POU6F2: variants seen among roughly 807,000 people sequenced by gnomAD.
The protein encoded by POU6F2 is POU domain, class 6, transcription factor 2.
POU6F2 carries 31 observed loss-of-function variants against 71.3 expected under a neutral mutation model. The observed-to-expected ratio is 0.43, with a 90% CI of 0.33 to 0.59. The LOEUF is 0.59. Ranked by LOEUF, POU6F2 falls within the 20% of genes least tolerant of loss-of-function variation. POU6F2 has a pLI of 0.04. For missense variants in POU6F2, 783 were observed against 856.8 expected, an observed-to-expected ratio of 0.91 and a Z score of 1.07; for synonymous variants, 347 against 355.7, an observed-to-expected ratio of 0.98 and a Z score of 0.27.
chr7:39,417,380 C>A (rs1457374202), intron 6 of POU6F2, among the ~76,000 whole-genome samples: 4 of 152,142 alleles, frequency 2.6e-5, no homozygotes, highest in Admixed American at 6.5e-5. Context: ...TCACAACTTA[C>A]AACAGTGAGA....
chr7:39,272,313 A>T (rs1054738655), intron 4 of POU6F2, among the ~76,000 whole-genome samples: 1 of 152,134 alleles, frequency 6.6e-6, no homozygotes, highest in Admixed American at 6.5e-5. Context: ...CTCCACTCCC[A>T]TCACAGTTCA....
At chr7:39,208,082 C>A (rs974194548) in intron 4 of POU6F2, among the ~76,000 whole-genome samples, 1 of 152,090 alleles carries the variant, frequency 6.6e-6, no homozygotes, top group Non-Finnish European at 1.5e-5. Context: ...TTTTGCTCTA[C>A]AAAGTATGTT....
intron 4 of POU6F2, among the ~76,000 whole-genome samples, chr7:39,241,655 TA>T (rs1457148309): frequency 2.0e-5 from 3 of 152,170 alleles, no homozygotes; most frequent in African/African-American, 7.2e-5. Flanking sequence ...GGACAGTTAT[TA>T]AGGATCAGTT....
intron 5 of POU6F2, among the ~76,000 whole-genome samples, chr7:39,363,040 C>A (rs897785584): frequency 5.3e-5 from 8 of 152,234 alleles, no homozygotes; most frequent in African/African-American, 1.9e-4. Context: ...CGGAATAAAA[C>A]ACGAACACCC....
chr7:38,991,806 G>T (rs1446173685), intron 1 of POU6F2, among the ~76,000 whole-genome samples: 1 of 151,924 alleles, frequency 6.6e-6, no homozygotes, highest in Non-Finnish European at 1.5e-5. Context: ...TTTCAGTTTA[G>T]ACTGGTGCAG....
chr7:39,152,949 G>A (rs868313727), intron 2 of POU6F2, among the ~76,000 whole-genome samples: 6 of 152,110 alleles, frequency 3.9e-5, no homozygotes, highest in Non-Finnish European at 5.9e-5. Flanking sequence ...GTTAAGAAAC[G>A]GAGATCTTCT....
chr7:39,346,392 G>T (rs1010567171), intron 5 of POU6F2, among the ~76,000 whole-genome samples: 3 of 152,214 alleles, frequency 2.0e-5, no homozygotes, highest in African/African-American at 2.4e-5. Context: ...GATGATGAGG[G>T]TGCCAGACTC....
intron 2 of POU6F2, among the ~76,000 whole-genome samples, chr7:39,112,691 A>T (rs1426307506): frequency 6.6e-6 from 1 of 151,860 alleles, no homozygotes; most frequent in Non-Finnish European, 1.5e-5. Flanking sequence ...TCAGTGTTTT[A>T]CTTGAGAAAG....
At chr7:39,029,082 A>G (rs1005646382) in intron 1 of POU6F2, among the ~76,000 whole-genome samples, 4 of 152,096 alleles carry the variant, frequency 2.6e-5, no homozygotes, top group Admixed American at 6.5e-5. Flanking sequence ...TCTGCTCCCC[A>G]AAGTGCTGGG....
chr7:39,430,268 T>C (rs770956795), intron 6 of POU6F2, among the ~76,000 whole-genome samples: 2 of 152,122 alleles, frequency 1.3e-5, no homozygotes, highest in Non-Finnish European at 2.9e-5. Flanking sequence ...GGAACAAAAA[T>C]AAGAAATGCA....
chr7:39,292,882 G>A (rs944916033), intron 4 of POU6F2, among the ~76,000 whole-genome samples: 1 of 152,108 alleles, frequency 6.6e-6, no homozygotes. Flanking sequence ...GGGATGGCTG[G>A]GGTCTTGCAG....
intron 2 of POU6F2, among the ~76,000 whole-genome samples, chr7:39,149,135 T>C (rs1295735395): frequency 6.6e-6 from 1 of 152,166 alleles, no homozygotes; most frequent in African/African-American, 2.4e-5. Flanking sequence ...TCCTGAGTTC[T>C]GGATGATGTG....
intron 4 of POU6F2, among the ~76,000 whole-genome samples, chr7:39,282,883 TTAA>T (rs1440833788): frequency 6.6e-6 from 1 of 152,178 alleles, no homozygotes; most frequent in African/African-American, 2.4e-5. Flanking sequence ...TATGAACATT[TTAA>T]TAATAATAAT....
intron 5 of POU6F2, among the ~76,000 whole-genome samples, chr7:39,370,356 G>C (rs1786583768): frequency 6.6e-6 from 1 of 152,204 alleles, no homozygotes; most frequent in Non-Finnish European, 1.5e-5. Flanking sequence ...GGTGTAGGAA[G>C]ACAGCAGTTG....
intron 1 of POU6F2, among the ~76,000 whole-genome samples, chr7:39,010,862 A>G (rs542402034): frequency 0.01 from 1,557 of 151,546 alleles, 40 homozygotes; most frequent in African/African-American, 0.034. Context: ...CCTGAGTGCT[A>G]GTTTGATTGC....
chr7:39,364,369 A>G (rs1037378469), intron 5 of POU6F2, among the ~76,000 whole-genome samples: 3 of 151,814 alleles, frequency 2.0e-5, no homozygotes, highest in African/African-American at 7.3e-5. Flanking sequence ...CCATCACCTA[A>G]GCAGTATACA....
intron 6 of POU6F2, among the ~76,000 whole-genome samples, chr7:39,427,656 G>A (rs1360673729): frequency 6.6e-6 from 1 of 152,182 alleles, no homozygotes; most frequent in Admixed American, 6.5e-5. Flanking sequence ...AATGTGCTGA[G>A]ATTGTACAAA....
chr7:39,349,444 C>A (rs1301566612), intron 5 of POU6F2, among the ~76,000 whole-genome samples: 8 of 152,134 alleles, frequency 5.3e-5, no homozygotes, highest in Non-Finnish European at 1.0e-4. Context: ...ACCCACGGGA[C>A]CGACAGAACT....
intron 2 of POU6F2, among the ~76,000 whole-genome samples, chr7:39,183,541 G>GC (rs1009551193): frequency 1.3e-5 from 2 of 152,100 alleles, no homozygotes; most frequent in African/African-American, 4.8e-5. Context: ...GGGGAAACCT[G>GC]CCCCCATGAT....
Sources: gnomAD v4.1 joint callset for allele counts (sites outside exome capture counted in the v4.1 genomes callset) on GRCh38, gnomAD v4.1.1 for gene constraint, MANE v1.5 for transcripts, NCBI Gene and HGNC (gene_info 2026-07-23, HGNC 2026-07-21) for gene names.